OSBPL8: variants seen among roughly 807,000 people sequenced by gnomAD.
OSBPL8 encodes the protein oxysterol-binding protein-related protein 8.
Under a neutral mutation model 125.5 loss-of-function variants are expected in OSBPL8, and 59 were observed. The ratio of observed to expected loss-of-function variants is 0.47; its 90% CI spans 0.38 to 0.58. The LOEUF (loss-of-function observed/expected upper bound fraction) is 0.58, where lower values mean the gene tolerates loss of function less well. OSBPL8 is among the 20% of genes least tolerant of loss of function. OSBPL8 has a pLI of 0.00. For missense variants in OSBPL8, 758 were observed against 1,047.8 expected (o/e 0.72, Z 3.82); for synonymous variants, 330 against 338.9 (o/e 0.97, Z 0.29).
At chr12:76,506,996 TA>T (rs1211040038) in intron 1 of OSBPL8, among the ~76,000 whole-genome samples, 3 of 149,012 alleles carry the variant, frequency 2.0e-5, no homozygotes, top group Non-Finnish European at 4.4e-5. Context: ...GTTAATTTTT[TA>T]AAAGTTAAGT....
intron 4 of OSBPL8, among the ~76,000 whole-genome samples, chr12:76,417,845 A>C (rs1868901319): frequency 6.6e-6 from 1 of 152,028 alleles, no homozygotes; most frequent in Non-Finnish European, 1.5e-5. Context: ...GCCTCTTTCT[A>C]CTGTTTGTTG....
chr12:76,543,092 G>A (rs554851036), intron 1 of OSBPL8, among the ~76,000 whole-genome samples: 1 of 151,980 alleles, frequency 6.6e-6, no homozygotes, highest in Non-Finnish European at 1.5e-5. Context: ...AGTGAATTGT[G>A]CAATTAGGAG....
chr12:76,499,473 C>T (rs368044324), intron 1 of OSBPL8, among the ~76,000 whole-genome samples: 6 of 152,084 alleles, frequency 3.9e-5, no homozygotes, highest in Admixed American at 2.6e-4. Flanking sequence ...AGCGATCAAG[C>T]GATCCTTCCA....
chr12:76,356,078 A>G (rs1344793982), intron 23 of OSBPL8, 57 bp from the exon 24 acceptor site: 2 of 1,349,966 alleles, frequency 1.5e-6, no homozygotes, highest in Non-Finnish European at 2.0e-6. Context: ...GTTGGCATAG[A>G]GCCCACAATT....
chr12:76,439,246 G>A (rs1871881613), intron 4 of OSBPL8, among the ~76,000 whole-genome samples: 1 of 152,144 alleles, frequency 6.6e-6, no homozygotes, highest in Admixed American at 6.5e-5. Flanking sequence ...GGGCATGGTG[G>A]CGCACGCCTA....
At chr12:76,512,904 C>T (rs927633175) in intron 1 of OSBPL8, among the ~76,000 whole-genome samples, 5 of 152,154 alleles carry the variant, frequency 3.3e-5, no homozygotes, top group Admixed American at 3.3e-4. Context: ...CTTTCACCTC[C>T]CCAGTTAGCT....
At chr12:76,506,235 G>A (rs570792562) in intron 1 of OSBPL8, among the ~76,000 whole-genome samples, 75 of 152,290 alleles carry the variant, frequency 4.9e-4, no homozygotes, top group African/African-American at 1.6e-3. Context: ...AAGACTTGGG[G>A]AAGAAAGGGA....
At chr12:76,445,500 G>A (rs1047040949) in intron 4 of OSBPL8, among the ~76,000 whole-genome samples, 4 of 152,078 alleles carry the variant, frequency 2.6e-5, no homozygotes, top group Admixed American at 1.3e-4. Flanking sequence ...ATATTAAAAT[G>A]TATTAAAGAA....
intron 1 of OSBPL8, among the ~76,000 whole-genome samples, chr12:76,526,635 C>CTTTTTT (rs573409160): frequency 3.9e-4 from 25 of 64,258 alleles, no homozygotes; most frequent in South Asian, 7.9e-4. Context: ...CAGTAAATCT[C>CTTTTTT]TTTTTTTTTT....
intron 4 of OSBPL8, chr12:76,422,640 T>G (rs1190111176): frequency 6.6e-6 from 3 of 456,422 alleles, no homozygotes; most frequent in Non-Finnish European, 1.3e-5. Context: ...CGTTGTGAGC[T>G]CTCTTCTTTC....
At chr12:76,378,674 A>G in intron 15 of OSBPL8, 124 bp from the exon 16 acceptor site, 1 of 655,000 alleles carries the variant, frequency 1.5e-6, no homozygotes, top group Non-Finnish European at 2.6e-6. Flanking sequence ...TCTCAATCTC[A>G]ATGTGCCCAA....
intron 15 of OSBPL8, among the ~76,000 whole-genome samples, chr12:76,379,693 G>T (rs574019289): frequency 6.6e-6 from 1 of 152,248 alleles, no homozygotes; most frequent in African/African-American, 2.4e-5. Context: ...TGTTGTATAA[G>T]AATTCTATTC....
At chr12:76,366,968 T>C (rs1952439562) in intron 21 of OSBPL8, among the ~76,000 whole-genome samples, 1 of 152,142 alleles carries the variant, frequency 6.6e-6, no homozygotes, top group South Asian at 2.1e-4. Flanking sequence ...TAACATATGG[T>C]CTATCCTGGA....
chr12:76,450,516 A>AT (rs1232761272), intron 4 of OSBPL8, among the ~76,000 whole-genome samples: 11 of 152,166 alleles, frequency 7.2e-5, no homozygotes, highest in South Asian at 2.1e-4. Flanking sequence ...TAAAATAGAT[A>AT]TAACTCACAT....
rs1201373373 is a variant in OSBPL8 at position 76,353,298 on chromosome 12, G to GT, written c.*2590dup. On this transcript the variant is annotated 3_prime_UTR_variant, in exon 24 of 24. Coordinates refer to ENST00000261183, the MANE Select transcript of OSBPL8 (RefSeq NM_020841.5). Reference sequence around the variant, plus strand: ...CATTTCACATGCCCTATTTATTGTTGTTGTTTTTTTTTTTTTTTTACATGT... The same window carrying GT: ...CATTTCACATGCCCTATTTATTGTTGTTTGTTTTTTTTTTTTTTTTACATGT... 1 of 80,038 alleles carries GT rather than the reference G, an allele frequency of 1.2e-5. No individual in the cohort carries two copies. Among genetic ancestry groups the GT allele is most frequent in the Non-Finnish European group, 2.6e-5 (1 of 38,970 alleles). The allele number at this position is 80,038 out of a possible 1,614,324, so 5.0% of individuals were successfully genotyped here.
At chr12:76,510,985 A>G (rs1014297138) in intron 1 of OSBPL8, among the ~76,000 whole-genome samples, 3 of 152,180 alleles carry the variant, frequency 2.0e-5, no homozygotes, top group Non-Finnish European at 2.9e-5. Context: ...CCAGGAACTT[A>G]GTGTATAGCC....
intron 2 of OSBPL8, among the ~76,000 whole-genome samples, chr12:76,469,356 A>C (rs1196053822): frequency 6.6e-6 from 1 of 152,180 alleles, no homozygotes; most frequent in Non-Finnish European, 1.5e-5. Flanking sequence ...CTCCCACTGC[A>C]GGCATAACAA....
intron 2 of OSBPL8, among the ~76,000 whole-genome samples, chr12:76,484,022 G>T (rs1445817386): frequency 6.6e-6 from 1 of 151,896 alleles, no homozygotes; most frequent in Admixed American, 6.6e-5. Flanking sequence ...TTTATACACT[G>T]CTTTCAGATT....
chr12:76,532,945 T>A (rs988042187), intron 1 of OSBPL8, among the ~76,000 whole-genome samples: 1 of 152,254 alleles, frequency 6.6e-6, no homozygotes, highest in Non-Finnish European at 1.5e-5. Context: ...GAGCTTATCA[T>A]CCTAGTAAAT....
Sources: gnomAD v4.1 joint callset for allele counts (sites outside exome capture counted in the v4.1 genomes callset) on GRCh38, gnomAD v4.1.1 for gene constraint, MANE v1.5 for transcripts, NCBI Gene and HGNC (gene_info 2026-07-23, HGNC 2026-07-21) for gene names.